ADCY2: variants seen among roughly 807,000 people sequenced by gnomAD.
The protein encoded by ADCY2 is adenylate cyclase 2, also known as adenylate cyclase type 2.
A neutral mutation model predicts 125.2 loss-of-function variants in ADCY2; 31 were observed. The ratio of observed to expected loss-of-function variants is 0.25; its 90% confidence interval spans 0.19 to 0.33. The LOEUF (loss-of-function observed/expected upper bound fraction) is 0.33, where lower values mean the gene tolerates loss of function less well. Among genes scored for constraint, ADCY2 ranks in the 10% least tolerant of loss-of-function variants. The pLI, the probability that ADCY2 is intolerant of heterozygous loss-of-function variation, is 1.00. For missense variants in ADCY2, 904 were observed against 1,418.2 expected, an observed-to-expected ratio of 0.64 and a Z score of 5.82; for synonymous variants, 512 against 548.4, an observed-to-expected ratio of 0.93 and a Z score of 0.93.
chr5:7,740,515 A>G (rs1415529576), intron 14 of ADCY2, among the ~76,000 whole-genome samples: 1 of 152,068 alleles, frequency 6.6e-6, no homozygotes, highest in Non-Finnish European at 1.5e-5. Context: ...ACCAGCATAA[A>G]AAACACATAG....
At chr5:7,590,203 A>T (rs917152396) in intron 3 of ADCY2, among the ~76,000 whole-genome samples, 5 of 152,216 alleles carry the variant, frequency 3.3e-5, no homozygotes, top group Non-Finnish European at 7.4e-5. Context: ...GTAATAAGGT[A>T]AAGAGAGGTA....
intron 12 of ADCY2, 85 bp downstream of exon 12, chr5:7,717,322 T>C: frequency 2.3e-6 from 2 of 878,356 alleles, no homozygotes; most frequent in East Asian, 2.7e-5. Flanking sequence ...ATAGTTACCA[T>C]GACAAAGCCA....
At position 7,658,399 on chromosome 5, in the gene ADCY2, TTGTG is replaced by T. The variant is rs369870574; in HGVS notation, c.720+32113_720+32116del. Among the ~76,000 whole-genome samples, 43 of 131,016 alleles carry T rather than the reference TTGTG, an allele frequency of 3.3e-4. 1 individual carries two copies. Among genetic ancestry groups the T allele is most frequent in the South Asian group, 7.9e-4 (3 of 3,816 alleles). The allele number at this position is 131,016 out of a possible 152,430, so 86.0% of individuals were successfully genotyped here. ...TTCTCCTTTTCACCAGTGAAGAGAA[TTGTG>T]TGTGTGTGTGTGTGTGTGTGTGTGT... On this transcript the variant is annotated intron_variant, in intron 4 of 24. Transcript: ENST00000338316.
chr5:7,627,452 A>C (rs189245278), intron 4 of ADCY2, among the ~76,000 whole-genome samples: 2 of 152,300 alleles, frequency 1.3e-5, no homozygotes, highest in African/African-American at 4.8e-5. Flanking sequence ...TATCCATGTG[A>C]ACAGCTGTGT....
chr5:7,468,965 ACCCATATTGT>A (rs1432617311), intron 2 of ADCY2, among the ~76,000 whole-genome samples: 1 of 152,154 alleles, frequency 6.6e-6, no homozygotes, highest in East Asian at 1.9e-4. Flanking sequence ...TATTTGATTA[ACCCATATTGT>A]CCTTACAAGG....
chr5:7,532,315 A>G (rs958671652), intron 3 of ADCY2, among the ~76,000 whole-genome samples: 3 of 152,226 alleles, frequency 2.0e-5, no homozygotes, highest in Non-Finnish European at 4.4e-5. Flanking sequence ...TTTTCAGTGC[A>G]TACACTTTTC....
In ADCY2 at chr5:7,414,558, T is replaced by C. The variant is rs904597408; in HGVS notation, c.211-15T>C. 1.6e-5 allele frequency: 25 copies of C among 1,591,444 alleles called. No homozygotes were observed. Among genetic ancestry groups the C allele is most frequent in the Non-Finnish European group, 2.1e-5 (25 of 1,170,718 alleles). ...CTAAATGGTAACTTTTCCATGTATT[T>C]TTTTATCTCCTCAGGAAGTTGAAGA... On this transcript the variant is annotated splice_polypyrimidine_tract_variant and intron_variant, in intron 1 of 24. Coordinates refer to ENST00000338316, the MANE Select transcript of ADCY2 (RefSeq NM_020546.3).
At chr5:7,578,051 C>A (rs1268690632) in intron 3 of ADCY2, among the ~76,000 whole-genome samples, 1 of 152,212 alleles carries the variant, frequency 6.6e-6, no homozygotes, top group East Asian at 1.9e-4. Context: ...GAAAAGACAT[C>A]ACATTTTCAA....
intron 2 of ADCY2, among the ~76,000 whole-genome samples, chr5:7,515,115 T>G (rs529423043): frequency 6.6e-6 from 1 of 152,324 alleles, no homozygotes; most frequent in South Asian, 2.1e-4. Context: ...CACTCTACCT[T>G]TGTTCGGCTG....
chr5:7,508,670 G>A (rs1743937638), intron 2 of ADCY2, among the ~76,000 whole-genome samples: 1 of 152,210 alleles, frequency 6.6e-6, no homozygotes, highest in Non-Finnish European at 1.5e-5. Flanking sequence ...CCATGCCCAG[G>A]TGGGTGGGGA....
chr5:7,600,954 C>T (rs1737180708), intron 3 of ADCY2, among the ~76,000 whole-genome samples: 1 of 152,066 alleles, frequency 6.6e-6, no homozygotes, highest in African/African-American at 2.4e-5. Context: ...ATGGCCTTGG[C>T]AATTGGGATG....
intron 3 of ADCY2, among the ~76,000 whole-genome samples, chr5:7,613,455 G>T (rs187011788): frequency 2.8e-4 from 42 of 152,298 alleles, no homozygotes; most frequent in Admixed American, 4.6e-4. Context: ...AATTCCACCA[G>T]GCTGTCCCTC....
chr5:7,774,756 C>G (rs934482955), intron 18 of ADCY2, among the ~76,000 whole-genome samples: 1 of 152,182 alleles, frequency 6.6e-6, no homozygotes, highest in Non-Finnish European at 1.5e-5. Context: ...GGGAGACTGA[C>G]TTGAGAAGCC....
chr5:7,513,995 G>A (rs1579523630), intron 2 of ADCY2, among the ~76,000 whole-genome samples: 2 of 152,176 alleles, frequency 1.3e-5, no homozygotes. Context: ...TGTGCTTTCT[G>A]TAGCTAATCT....
intron 1 of ADCY2, among the ~76,000 whole-genome samples, chr5:7,400,004 AC>A (rs1258723280): frequency 1.3e-5 from 2 of 151,666 alleles, no homozygotes; most frequent in Admixed American, 6.6e-5. Context: ...ATGCATGAAA[AC>A]CCTTTTTCAG....
chr5:7,458,850 T>A (rs1048689808), intron 2 of ADCY2, among the ~76,000 whole-genome samples: 2 of 152,180 alleles, frequency 1.3e-5, no homozygotes, highest in East Asian at 3.9e-4. Context: ...AAAAGTGTTC[T>A]GATTGAAGTA....
chr5:7,794,068 G>A (rs1744340715), intron 20 of ADCY2: 1 of 152,194 alleles, frequency 6.6e-6, no homozygotes, highest in African/African-American at 2.4e-5. Flanking sequence ...TCTCGCTGCT[G>A]ACCTGACATG....
At chr5:7,724,034 A>T (rs999792686) in intron 12 of ADCY2, among the ~76,000 whole-genome samples, 75 of 150,022 alleles carry the variant, frequency 5.0e-4, no homozygotes, top group African/African-American at 1.8e-3. Flanking sequence ...AGTCTGAAAG[A>T]AGCAAAACCT....
chr5:7,653,385 G>C (rs1167462155), intron 4 of ADCY2, among the ~76,000 whole-genome samples: 4 of 152,136 alleles, frequency 2.6e-5, no homozygotes. Flanking sequence ...GTGTTAGGGA[G>C]GACTAAATGA....
Sources: allele counts gnomAD v4.1 joint callset (sites outside exome capture counted in the v4.1 genomes callset), GRCh38; gene constraint gnomAD v4.1.1; transcripts MANE v1.5; gene names NCBI Gene and HGNC (gene_info 2026-07-23, HGNC 2026-07-21).